ARHGAP18: variants seen among roughly 807,000 people sequenced by gnomAD.
ARHGAP18 encodes Rho GTPase activating protein 18, also known as rho GTPase-activating protein 18.
A neutral mutation model predicts 86.2 loss-of-function variants in ARHGAP18; 67 were observed. That is an observed-to-expected ratio of 0.78 (90% CI 0.64 to 0.95). The LOEUF is 0.95. Ranked by LOEUF, ARHGAP18 falls within the 40% of genes least tolerant of loss-of-function variation. The probability of loss-of-function intolerance (pLI) is 0.00; values close to 1 mark genes in which losing one functional copy is unlikely to be tolerated. For synonymous variants in ARHGAP18, 283 were observed against 280.4 expected (o/e 1.01, Z -0.09); for missense variants, 691 against 780.4 (o/e 0.89, Z 1.37).
chr6:129,586,570 T>C (rs1034085400), intron 12 of ARHGAP18, among the ~76,000 whole-genome samples: 1 of 152,120 alleles, frequency 6.6e-6, no homozygotes, highest in African/African-American at 2.4e-5. Context: ...ACAGAAATTG[T>C]TCCCAGAATC....
At chr6:129,653,986 T>A (rs1335794772) in intron 1 of ARHGAP18, among the ~76,000 whole-genome samples, 1 of 152,202 alleles carries the variant, frequency 6.6e-6, no homozygotes. Flanking sequence ...AAGGCTACAG[T>A]GAGCTATGAT....
Position 129,634,890 on chromosome 6 carries a change from A to AG in ARHGAP18, c.553-786_553-785insC, listed in dbSNP as rs907792684. Among the ~76,000 whole-genome samples the AG allele has an allele frequency of 1.8e-3, 182 of 101,086 alleles. 1 individual carries two copies. Among genetic ancestry groups the AG allele is most frequent in the Middle Eastern group, 0.017 (3 of 178 alleles). 66.3% of individuals were successfully genotyped at this position (101,086 alleles called of 152,430 possible). A position where few individuals can be genotyped will look rare whatever the true frequency, so the allele number is the denominator to read the frequency against. On this transcript the variant is annotated intron_variant, in intron 3 of 14. Transcript: ENST00000368149. The stretch of plus-strand genomic sequence containing the variant: ...AATAAAACAGAAATTCTTCAAGTTA[A>AG]AAAAAAAAAAGCAAGAAATAAATGT...
chr6:129,675,567 C>T (rs554639834), intron 1 of ARHGAP18, among the ~76,000 whole-genome samples: 1 of 152,192 alleles, frequency 6.6e-6, no homozygotes, highest in South Asian at 2.1e-4. Context: ...GCATTTACCA[C>T]AGACATCTAA....
chr6:129,612,814 G>A (rs994279617), intron 7 of ARHGAP18, among the ~76,000 whole-genome samples: 1 of 152,208 alleles, frequency 6.6e-6, no homozygotes, highest in Non-Finnish European at 1.5e-5. Context: ...TATGGCCAAA[G>A]ATGCACTGAT....
At chr6:129,708,211 G>C (rs748129939) in intron 1 of ARHGAP18, among the ~76,000 whole-genome samples, 1 of 152,052 alleles carries the variant, frequency 6.6e-6, no homozygotes, top group Admixed American at 6.6e-5. Flanking sequence ...CATCTTCTCC[G>C]GTCAATATCA....
intron 12 of ARHGAP18, among the ~76,000 whole-genome samples, chr6:129,597,347 G>A (rs1788634711): frequency 6.6e-6 from 1 of 152,048 alleles, no homozygotes; most frequent in Admixed American, 6.6e-5. Context: ...TCTTGGCCAG[G>A]CTGGAGATGA....
At chr6:129,650,196 T>C (rs1437450344) in intron 1 of ARHGAP18, among the ~76,000 whole-genome samples, 1 of 151,738 alleles carries the variant, frequency 6.6e-6, no homozygotes, top group Non-Finnish European at 1.5e-5. Context: ...AGTGCTGAGA[T>C]CACAGGCGTG....
At chr6:129,685,092 G>T (rs12202304) in intron 1 of ARHGAP18, among the ~76,000 whole-genome samples, 7,959 of 152,182 alleles carry the variant, frequency 0.052, 326 homozygotes, top group South Asian at 0.12. Context: ...AGGCTGCCAG[G>T]GTTTCAAAGC....
At chr6:129,657,578 G>C (rs1005506946) in intron 1 of ARHGAP18, among the ~76,000 whole-genome samples, 1 of 152,092 alleles carries the variant, frequency 6.6e-6, no homozygotes, top group Non-Finnish European at 1.5e-5. Context: ...TTCAAACACA[G>C]GGCAACCATC....
chr6:129,593,780 T>C (rs75375095), intron 12 of ARHGAP18, among the ~76,000 whole-genome samples: 8 of 152,194 alleles, frequency 5.3e-5, no homozygotes, highest in African/African-American at 1.7e-4. Flanking sequence ...CTATAATTAA[T>C]GGATAAGACA....
chr6:129,669,567 C>G (rs1337553815), intron 1 of ARHGAP18, among the ~76,000 whole-genome samples: 2 of 151,570 alleles, frequency 1.3e-5, no homozygotes, highest in Non-Finnish European at 2.9e-5. Flanking sequence ...GGGCTGATCA[C>G]CTGAGGTCGG....
At chr6:129,626,720 A>G (rs1789483394) in intron 5 of ARHGAP18, among the ~76,000 whole-genome samples, 1 of 151,776 alleles carries the variant, frequency 6.6e-6, no homozygotes, top group South Asian at 2.1e-4. Flanking sequence ...AAAAAAAAGA[A>G]AAACAAGTTT....
At chr6:129,610,701 C>T (rs1788960540) in intron 8 of ARHGAP18, among the ~76,000 whole-genome samples, 1 of 152,026 alleles carries the variant, frequency 6.6e-6, no homozygotes, top group Admixed American at 6.5e-5. Context: ...GATCTTGGCT[C>T]ACTGCAACCT....
intron 12 of ARHGAP18, among the ~76,000 whole-genome samples, chr6:129,589,041 C>T (rs537701794): frequency 6.6e-6 from 1 of 152,284 alleles, no homozygotes; most frequent in Non-Finnish European, 1.5e-5. Flanking sequence ...GCACAGCAAA[C>T]CAGTTCTCCC....
chr6:129,699,683 G>A (rs1774679617), intron 1 of ARHGAP18, among the ~76,000 whole-genome samples: 1 of 152,086 alleles, frequency 6.6e-6, no homozygotes, highest in South Asian at 2.1e-4. Flanking sequence ...AGGAAAAATG[G>A]CTTCTGCATT....
chr6:129,701,518 T>C (rs1309595886), intron 1 of ARHGAP18, among the ~76,000 whole-genome samples: 1 of 152,172 alleles, frequency 6.6e-6, no homozygotes, highest in African/African-American at 2.4e-5. Flanking sequence ...ACGCCTATAA[T>C]CCCCACACTT....
chr6:129,605,943 C>T lies in ARHGAP18; in HGVS notation c.1299G>A (p.Lys433=), dbSNP rs773967441. 2 of 1,613,494 alleles carry T rather than the reference C, an allele frequency of 1.2e-6. No homozygotes were observed. Among genetic ancestry groups the T allele is most frequent in the South Asian group, 2.2e-5 (2 of 91,076 alleles). ...FQAVQNLPTK[K]QQLQALNLLV... is the part of the protein sequence containing the mutation. ...GAAGGTTCAAAGCCTGTAGTTGCTG[C>T]TTCTTGGTTGGAAGATCTGCAGACA... Residue 433 remains lysine, a synonymous_variant, in exon 10 of 15, where the codon AAG becomes AAA. Transcript: ENST00000368149.
In ARHGAP18 at chr6:129,599,372, A is replaced by G. The variant is rs755341797; in HGVS notation, c.1573-16T>C. 3 of 1,497,568 alleles carry G rather than the reference A, an allele frequency of 2.0e-6. No homozygotes were observed. The highest frequency in any genetic ancestry group is 2.4e-5 in the Admixed American group (1 of 40,984). 92.8% of individuals were successfully genotyped at this position (1,497,568 alleles called of 1,614,324 possible). On this transcript the variant is annotated splice_polypyrimidine_tract_variant and intron_variant, in intron 11 of 14. Transcript: ENST00000368149. ...ACTTGGGAATCTATAGAGAAAAGGA[A>G]TTAAGCTTAGAGAGGAAAAAGAAAT...
At chr6:129,647,909 C>T (rs1773613286) in intron 1 of ARHGAP18, among the ~76,000 whole-genome samples, 2 of 152,016 alleles carry the variant, frequency 1.3e-5, no homozygotes, top group African/African-American at 2.4e-5. Context: ...GATTAATGCC[C>T]TCATTTCTTC....
Sources: allele counts gnomAD v4.1 joint callset (sites outside exome capture counted in the v4.1 genomes callset), GRCh38; gene constraint gnomAD v4.1.1; transcripts MANE v1.5; gene names NCBI Gene and HGNC (gene_info 2026-07-23, HGNC 2026-07-21).